Variants in TMC3 observed in about 807,000 individuals in gnomAD.
TMC3 encodes transmembrane channel-like protein 3.
A neutral mutation model predicts 110.6 loss-of-function variants in TMC3; 98 were observed. The ratio of observed to expected loss-of-function variants is 0.89; its 90% CI spans 0.75 to 1.05. The LOEUF (loss-of-function observed/expected upper bound fraction) is 1.05, where lower values mean the gene tolerates loss of function less well. Ranked by LOEUF, TMC3 falls within the 50% of genes least tolerant of loss-of-function variation. TMC3 has a pLI of 0.00. For synonymous variants in TMC3, 489 were observed against 513.1 expected (o/e 0.95, Z 0.63); for missense variants, 1,319 against 1,373.2 (o/e 0.96, Z 0.62).
chr15:81,339,141 T>C (rs1018399530), intron 17 of TMC3, among the ~76,000 whole-genome samples: 8 of 152,254 alleles, frequency 5.3e-5, no homozygotes, highest in African/African-American at 1.9e-4. Flanking sequence ...GAATGTCCTC[T>C]AGCACAGAAC....
intron 3 of TMC3, among the ~76,000 whole-genome samples, chr15:81,363,726 C>T (rs747495611): frequency 4.6e-5 from 7 of 152,200 alleles, no homozygotes; most frequent in South Asian, 2.1e-4. Flanking sequence ...TTTGGTCTCT[C>T]GCATAATGTT....
At chr15:81,364,510 T>C (rs1431498057) in intron 3 of TMC3, among the ~76,000 whole-genome samples, 1 of 128,258 alleles carries the variant, frequency 7.8e-6, no homozygotes, top group African/African-American at 3.0e-5. Flanking sequence ...GGAAGGGGAA[T>C]ATCACACTCT....
At chr15:81,358,526 G>T (rs762347865) in intron 5 of TMC3, 26 bp from the exon 6 acceptor site, 104 of 1,579,870 alleles carry the variant, frequency 6.6e-5, no homozygotes, top group Non-Finnish European at 8.6e-5. Context: ...AGCATGTCAT[G>T]TGGTCCTCTG....
chr15:81,370,356 C>A (rs145842471), intron 2 of TMC3, among the ~76,000 whole-genome samples: 1 of 152,274 alleles, frequency 6.6e-6, no homozygotes, highest in African/African-American at 2.4e-5. Context: ...CCAGTAGTTT[C>A]TCAAGGTGAT....
At chr15:81,347,976 C>T (rs79474104) in intron 11 of TMC3, among the ~76,000 whole-genome samples, 5,067 of 152,304 alleles carry the variant, frequency 0.033, 133 homozygotes, top group East Asian at 0.15. Flanking sequence ...TGTTTTCTCT[C>T]TTTGAAATGA....
intron 21 of TMC3, among the ~76,000 whole-genome samples, chr15:81,334,083 CCTTT>C (rs1893536884): frequency 6.6e-6 from 1 of 152,008 alleles, no homozygotes; most frequent in South Asian, 2.1e-4. Context: ...GTGTTTGAAC[CCTTT>C]CTCCTTGTCA....
intron 9 of TMC3, among the ~76,000 whole-genome samples, chr15:81,353,562 C>A (rs1893996710): frequency 6.6e-6 from 1 of 152,180 alleles, no homozygotes; most frequent in African/African-American, 2.4e-5. Context: ...TGTTTAGATA[C>A]ACAAATACCA....
chr15:81,339,995 A>G (rs1893678419), intron 16 of TMC3, among the ~76,000 whole-genome samples: 1 of 151,228 alleles, frequency 6.6e-6, no homozygotes, highest in African/African-American at 2.4e-5. Flanking sequence ...CCTCTTATCC[A>G]CTCCGCATGT....
chr15:81,366,726 A>G (rs1346299252), intron 3 of TMC3, among the ~76,000 whole-genome samples: 1 of 152,240 alleles, frequency 6.6e-6, no homozygotes, highest in African/African-American at 2.4e-5. Flanking sequence ...ATTTGGTCAT[A>G]AAAACAGATT....
At chr15:81,365,864 A>C (rs1894304195) in intron 3 of TMC3, among the ~76,000 whole-genome samples, 1 of 152,170 alleles carries the variant, frequency 6.6e-6, no homozygotes, top group South Asian at 2.1e-4. Flanking sequence ...TAGTTCATGA[A>C]AAGTATATTT....
chr15:81,373,927 C>T, intron 1 of TMC3, 62 bp downstream of exon 1: 1 of 1,473,684 alleles, frequency 6.8e-7, no homozygotes, highest in Non-Finnish European at 9.4e-7. Flanking sequence ...CTCTGGTGAC[C>T]CATGCATTCC....
intron 4 of TMC3, among the ~76,000 whole-genome samples, chr15:81,360,566 G>T (rs1166699242): frequency 6.6e-6 from 1 of 152,202 alleles, no homozygotes; most frequent in African/African-American, 2.4e-5. Context: ...GGCTACAGGT[G>T]ATTCGTTGAG....
At chr15:81,355,803 G>A in intron 8 of TMC3, 35 bp from the exon 9 acceptor site, 3 of 1,332,784 alleles carry the variant, frequency 2.3e-6, no homozygotes, top group Non-Finnish European at 3.2e-6. Flanking sequence ...TAAAAGCTTA[G>A]CATCATCATT....
Position 81,370,661 on chromosome 15 carries a change from A to G in TMC3, c.236+1930T>C, listed in dbSNP as rs1035201353. Among the ~76,000 whole-genome samples, 30 of 151,650 alleles carry G rather than the reference A, an allele frequency of 2.0e-4. No homozygotes were observed. The Middle Eastern group carries it at 0.014, about 69-fold the overall frequency. ...CATCATTTCGGGATGATTTAGCAAAATTCTAATAGAAACTATTTCTTTTTT... is the reference window on the plus strand; with the variant it reads ...CATCATTTCGGGATGATTTAGCAAAGTTCTAATAGAAACTATTTCTTTTTT... On this transcript the variant is annotated intron_variant, in intron 2 of 21. Transcript: ENST00000359440.
chr15:81,341,309 G>A, intron 16 of TMC3, 81 bp downstream of exon 16: 1 of 1,419,374 alleles, frequency 7.0e-7, no homozygotes, highest in South Asian at 1.5e-5. Flanking sequence ...CCCTTTGCTA[G>A]AGGACCCCTG....
Position 81,333,067 on chromosome 15 carries a change from G to A in TMC3, c.2655C>T (p.Pro885=). ...CACATTCATTAATGACATAGTATCT[G>A]GGGGCGTGGGGCCTGGGACCCTGTG... is the stretch of plus-strand genomic sequence containing the variant. ...LLAQGPRPHA[P]RYYVINECDS... is the part of the protein sequence containing the mutation. Residue 885 remains proline, a synonymous_variant, in exon 22 of 22, where the codon CCC becomes CCT. Transcript: ENST00000359440. 6.2e-7 allele frequency: 1 copy of A among 1,613,788 alleles called. No individual in the cohort carries two copies. The highest frequency in any genetic ancestry group is 8.5e-7 in the Non-Finnish European group (1 of 1,179,674).
chr15:81,353,483 C>A (rs538266624), intron 9 of TMC3, among the ~76,000 whole-genome samples: 1 of 152,272 alleles, frequency 6.6e-6, no homozygotes, highest in South Asian at 2.1e-4. Flanking sequence ...ATGGTAAGTT[C>A]CCTATACAGG....
chr15:81,335,329 A>G (rs1893570254), intron 20 of TMC3, among the ~76,000 whole-genome samples: 1 of 152,242 alleles, frequency 6.6e-6, no homozygotes, highest in Non-Finnish European at 1.5e-5. Context: ...CTTTGGAAAC[A>G]GTTCACATGC....
chr15:81,333,067 G>T lies in TMC3; in HGVS notation c.2655C>A (p.Pro885=). The T allele has an allele frequency of 1.9e-6, 3 of 1,613,788 alleles. No individual in the cohort carries two copies. Among genetic ancestry groups the T allele is most frequent in the Non-Finnish European group, 2.5e-6 (3 of 1,179,674 alleles). ...LLAQGPRPHA[P]RYYVINECDS... is the part of the protein sequence containing the mutation. ...CACATTCATTAATGACATAGTATCT[G>T]GGGGCGTGGGGCCTGGGACCCTGTG... Residue 885 remains proline (P), a synonymous_variant, in exon 22 of 22, where the codon CCC becomes CCA. Coordinates refer to ENST00000359440, the MANE Select transcript of TMC3 (RefSeq NM_001080532.3).
Sources: gnomAD v4.1 joint callset for allele counts (sites outside exome capture counted in the v4.1 genomes callset) on GRCh38, gnomAD v4.1.1 for gene constraint, MANE v1.5 for transcripts, NCBI Gene and HGNC (gene_info 2026-07-23, HGNC 2026-07-21) for gene names.